Variants in PLCH1 observed in about 807,000 individuals in gnomAD.
PLCH1 encodes phospholipase C eta 1, also known as 1-phosphatidylinositol 4,5-bisphosphate phosphodiesterase eta-1.
PLCH1 carries 60 observed loss-of-function variants against 126.7 expected under a neutral mutation model. That is an observed-to-expected ratio of 0.47 (90% CI 0.38 to 0.59). The LOEUF (loss-of-function observed/expected upper bound fraction) is 0.59. Ranked by LOEUF, PLCH1 falls within the 20% of genes least tolerant of loss-of-function variation. The pLI, the probability that PLCH1 is intolerant of heterozygous loss-of-function variation, is 0.00. For synonymous variants in PLCH1, 719 were observed against 734.9 expected (o/e 0.98, Z 0.35); for missense variants, 1,723 against 2,040.0 (o/e 0.84, Z 2.99).
downstream of PLCH1, among the ~76,000 whole-genome samples, chr3:155,479,468 T>C (rs1713703236): frequency 1.3e-5 from 2 of 152,066 alleles, no homozygotes. Context: ...TGTTCTCCTC[T>C]GCACTCTTCC....
chr3:155,482,582 G>C lies in PLCH1; in HGVS notation c.3444C>G (p.Val1148=). The change falls in exon 23 of 23, where the codon GTC becomes GTG. Residue 1148 remains valine (V), a synonymous_variant. Transcript: ENST00000460012. ...RAATSFSLSD[V]SMLCSDIPDL... is the part of the protein sequence containing the mutation. ...CAGGTATGTCAGAACAGAGCATGGA[G>C]ACGTCTGACAAAGAAAAGGATGTTG... The C allele has an allele frequency of 6.2e-7, 1 of 1,614,182 alleles. No homozygotes were observed. Among genetic ancestry groups the C allele is most frequent in the Non-Finnish European group, 8.5e-7 (1 of 1,180,004 alleles).
chr3:155,609,680 A>AAT (rs1734798044), intron 2 of PLCH1, among the ~76,000 whole-genome samples: 1 of 152,090 alleles, frequency 6.6e-6, no homozygotes, highest in African/African-American at 2.4e-5. Flanking sequence ...TTGCCAGACA[A>AAT]ATATATATAA....
intron 2 of PLCH1, among the ~76,000 whole-genome samples, chr3:155,671,143 G>A (rs1743394818): frequency 6.6e-6 from 1 of 152,170 alleles, no homozygotes; most frequent in African/African-American, 2.4e-5. Flanking sequence ...TCAGCCAGCA[G>A]GATTCAAATG....
intron 1 of PLCH1, among the ~76,000 whole-genome samples, chr3:155,712,580 G>C (rs1342585679): frequency 6.6e-6 from 1 of 151,924 alleles, no homozygotes; most frequent in Non-Finnish European, 1.5e-5. Flanking sequence ...ATCTTTAAAA[G>C]ATAACTTTAA....
chr3:155,476,538 A>T (rs998075810), downstream of PLCH1, among the ~76,000 whole-genome samples: 4 of 152,106 alleles, frequency 2.6e-5, no homozygotes, highest in Non-Finnish European at 5.9e-5. Context: ...TCTTATATTT[A>T]GAAAAAACTA....
chr3:155,531,714 A>C (rs1318658240), intron 10 of PLCH1, among the ~76,000 whole-genome samples: 1 of 152,224 alleles, frequency 6.6e-6, no homozygotes, highest in Non-Finnish European at 1.5e-5. Flanking sequence ...CAGCTTCTCC[A>C]CCAACACTTG....
chr3:155,588,991 A>G (rs1731746158), intron 4 of PLCH1, among the ~76,000 whole-genome samples: 1 of 152,240 alleles, frequency 6.6e-6, no homozygotes, highest in South Asian at 2.1e-4. Context: ...GATGTTCTTC[A>G]TAATTAAGAT....
chr3:155,545,360 G>A (rs1051455323), intron 10 of PLCH1, among the ~76,000 whole-genome samples: 4 of 151,928 alleles, frequency 2.6e-5, no homozygotes, highest in Admixed American at 2.6e-4. Context: ...TCTCTGAATA[G>A]ACCAATAACA....
chr3:155,684,079 T>C (rs1158066601), intron 2 of PLCH1, among the ~76,000 whole-genome samples: 1 of 152,198 alleles, frequency 6.6e-6, no homozygotes, highest in Non-Finnish European at 1.5e-5. Context: ...GTAAATGATA[T>C]TATCTGCCCA....
At chr3:155,459,461 C>A (rs756739748) in intron 21 of PLCH1, among the ~76,000 whole-genome samples, 2 of 152,210 alleles carry the variant, frequency 1.3e-5, no homozygotes, top group Non-Finnish European at 2.9e-5. Flanking sequence ...CCAGTCCTAG[C>A]AGTTTGCTGA....
At chr3:155,458,431 AAGGAAGG>A (rs1712533691) in intron 21 of PLCH1, among the ~76,000 whole-genome samples, 1 of 89,074 alleles carries the variant, frequency 1.1e-5, no homozygotes, top group African/African-American at 7.5e-5. Context: ...GGAAGGAAGG[AAGGAAGG>A]AAGGAAGGAA....
intron 2 of PLCH1, among the ~76,000 whole-genome samples, chr3:155,614,204 T>C (rs1029023128): frequency 7.9e-5 from 12 of 152,132 alleles, no homozygotes; most frequent in African/African-American, 2.4e-4. Flanking sequence ...ATCAATATTG[T>C]GAAAATGACC....
intron 21 of PLCH1, among the ~76,000 whole-genome samples, chr3:155,464,936 C>T (rs1712871556): frequency 6.6e-6 from 1 of 151,956 alleles, no homozygotes; most frequent in Non-Finnish European, 1.5e-5. Context: ...CAGTGAAACC[C>T]CGTCTCTACT....
intron 1 of PLCH1, among the ~76,000 whole-genome samples, chr3:155,741,684 C>CTTTTATTT: frequency 4.9e-5 from 5 of 102,862 alleles, no homozygotes; most frequent in South Asian, 3.2e-4. Flanking sequence ...TTTATATCCT[C>CTTTTATTT]TTTTTTTTTT....
At chr3:155,562,569 C>A (rs1297618744) in intron 8 of PLCH1, among the ~76,000 whole-genome samples, 1 of 152,128 alleles carries the variant, frequency 6.6e-6, no homozygotes, top group South Asian at 2.1e-4. Context: ...GGGATGGGAT[C>A]AAAGGGAGTC....
intron 21 of PLCH1, among the ~76,000 whole-genome samples, chr3:155,465,577 C>A (rs1560030236): frequency 1.3e-5 from 2 of 151,992 alleles, no homozygotes; most frequent in Non-Finnish European, 1.5e-5. Context: ...TATGGGCAAA[C>A]TCCTTCTGCT....
chr3:155,471,532 A>C (rs1713242209), intron 21 of PLCH1, among the ~76,000 whole-genome samples: 1 of 147,068 alleles, frequency 6.8e-6, no homozygotes. Flanking sequence ...ACAGAAAGTC[A>C]ACAAGGATAC....
chr3:155,694,112 C>T (rs1745627708), intron 2 of PLCH1, among the ~76,000 whole-genome samples: 1 of 152,062 alleles, frequency 6.6e-6, no homozygotes, highest in Non-Finnish European at 1.5e-5. Context: ...AGACTATCAT[C>T]ACAGAAAATA....
intron 10 of PLCH1, among the ~76,000 whole-genome samples, chr3:155,537,260 GAAAACC>G (rs1473574637): frequency 1.9e-3 from 139 of 71,380 alleles, no homozygotes; most frequent in African/African-American, 9.0e-3. Flanking sequence ...AATCTTGAAA[GAAAACC>G]TCAAAATACA....
Sources: allele counts gnomAD v4.1 joint callset (sites outside exome capture counted in the v4.1 genomes callset), GRCh38; gene constraint gnomAD v4.1.1; transcripts MANE v1.5; gene names NCBI Gene and HGNC (gene_info 2026-07-23, HGNC 2026-07-21).